ZBTB25: variants seen among roughly 807,000 people sequenced by gnomAD.
ZBTB25 encodes zinc finger and BTB domain containing 25.
ZBTB25 carries 20 observed loss-of-function variants against 34.2 expected under a neutral mutation model. The ratio of observed to expected loss-of-function variants is 0.58; its 90% CI spans 0.41 to 0.85. The LOEUF (loss-of-function observed/expected upper bound fraction) is 0.85, where lower values mean the gene tolerates loss of function less well. Among genes scored for constraint, ZBTB25 ranks in the 40% least tolerant of loss-of-function variants. ZBTB25 has a pLI of 0.00. For synonymous variants in ZBTB25, 175 were observed against 186.4 expected (o/e 0.94, Z 0.50); for missense variants, 437 against 521.8 (o/e 0.84, Z 1.58).
intron 1 of ZBTB25, among the ~76,000 whole-genome samples, chr14:64,492,462 C>T (rs1035947640): frequency 2.0e-5 from 3 of 151,994 alleles, no homozygotes; most frequent in Non-Finnish European, 2.9e-5. Flanking sequence ...CCACCTCAGC[C>T]TCCTAAAGGC....
upstream of ZBTB25, chr14:64,504,803 C>G: frequency 2.6e-6 from 1 of 386,822 alleles, no homozygotes; most frequent in Non-Finnish European, 4.6e-6. Flanking sequence ...GCCAGAGCCT[C>G]TCCGCGCAGC....
chr14:64,478,272 A>C lies in ZBTB25; in HGVS notation c.*8651T>G, dbSNP rs1160637487. ...TGTAATCAGAAATGAAGGGGGAGGC[A>C]GGCTGTATTCACTTAGTATTGGAAG... is the stretch of plus-strand genomic sequence containing the variant. On this transcript the variant is annotated 3_prime_UTR_variant, in exon 3 of 3. Coordinates refer to ENST00000608382, the MANE Select transcript of ZBTB25 (RefSeq NM_006977.5). 2 of 152,222 alleles carry C rather than the reference A, an allele frequency of 1.3e-5. No individual in the cohort carries two copies. Among genetic ancestry groups the C allele is most frequent in the East Asian group, 3.8e-4 (2 of 5,202 alleles). The allele number at this position is 152,222 out of a possible 1,614,324, so 9.4% of individuals were successfully genotyped here. A position where few individuals can be genotyped will look rare whatever the true frequency, so the allele number is the denominator to read the frequency against.
rs1291316576 is a variant in ZBTB25, at chr14:64,479,682, C to T, written c.*7241G>A. On this transcript the variant is annotated 3_prime_UTR_variant, in exon 3 of 3. Coordinates refer to ENST00000608382, the MANE Select transcript of ZBTB25 (RefSeq NM_006977.5). Reference sequence around the variant, plus strand: ...AGCTGCAATTATCGGTCTTTTCTTCCCTTTGGACCCAAATGGAAACATCAG... The same window carrying T: ...AGCTGCAATTATCGGTCTTTTCTTCTCTTTGGACCCAAATGGAAACATCAG... 6.6e-6 allele frequency: 1 copy of T among 152,212 alleles called. No homozygotes were observed. Among genetic ancestry groups the T allele is most frequent in the African/African-American group, 2.4e-5 (1 of 41,442 alleles). 9.4% of individuals were successfully genotyped at this position (152,212 alleles called of 1,614,324 possible). A position where few individuals can be genotyped will look rare whatever the true frequency, so the allele number is the denominator to read the frequency against.
chr14:64,449,520 C>T, exon 3 of ZBTB25: 1 of 1,614,210 alleles, frequency 6.2e-7, no homozygotes, highest in Non-Finnish European at 8.5e-7. Context: ...CCGTGAAGTG[C>T]ACTCACTGGG....
At chr14:64,494,874 C>A (rs1167750249) in intron 1 of ZBTB25, among the ~76,000 whole-genome samples, 1 of 152,188 alleles carries the variant, frequency 6.6e-6, no homozygotes, top group Non-Finnish European at 1.5e-5. Flanking sequence ...ATTAATCTAT[C>A]CTCAAATTAA....
At position 64,486,301 on chromosome 14, in the gene ZBTB25, CA is replaced by C. The variant is rs903101968; in HGVS notation, c.*621del. On this transcript the variant is annotated 3_prime_UTR_variant, in exon 3 of 3. Transcript: ENST00000608382. ...TGGGCGACACAGAGAGACTCTGTCT[CA>C]AAAAAAAAAAGAGGTATACTCAATG... 7.6e-3 allele frequency: 5,057 copies of C among 663,278 alleles called. No individual in the cohort carries two copies. Among genetic ancestry groups the C allele is most frequent in the Non-Finnish European group, 8.4e-3 (4,560 of 545,524 alleles). The allele number at this position is 663,278 out of a possible 1,614,324, so 41.1% of individuals were successfully genotyped here. A position where few individuals can be genotyped will look rare whatever the true frequency, so the allele number is the denominator to read the frequency against.
intron 2 of ZBTB25, among the ~76,000 whole-genome samples, chr14:64,488,274 T>A (rs1388498009): frequency 6.6e-6 from 1 of 152,046 alleles, no homozygotes. Context: ...CTGCCTAAAG[T>A]TAGGAAACAC....
rs779352438 is a variant in ZBTB25, at chr14:64,454,734, T to G, written c.174-5096A>C. ...CCTTCTTTCCCCAGGGCTTTGGGAATCTCCCCATCTGCATGGCTAAAACAC... is the reference window on the plus strand; with the variant it reads ...CCTTCTTTCCCCAGGGCTTTGGGAAGCTCCCCATCTGCATGGCTAAAACAC... On this transcript the variant is annotated intron_variant, in intron 2 of 2. Transcript: ENST00000555220. 3.1e-6 allele frequency: 5 copies of G among 1,613,678 alleles called. No homozygotes were observed. The highest frequency in any genetic ancestry group is 1.6e-4 in the Middle Eastern group (1 of 6,084).
At chr14:64,502,593 C>T in intron 1 of ZBTB25, 2 of 977,654 alleles carry the variant, frequency 2.0e-6, no homozygotes, top group Non-Finnish European at 2.4e-6. Context: ...CCATCAAACC[C>T]ACACAGTGGC....
Position 64,479,266 on chromosome 14 carries a change from A to G in ZBTB25, c.*7657T>C, listed in dbSNP as rs1399947503. The G allele has an allele frequency of 2.0e-5, 3 of 152,190 alleles. No homozygotes were observed. Among genetic ancestry groups the G allele is most frequent in the Non-Finnish European group, 4.4e-5 (3 of 68,042 alleles). 9.4% of individuals were successfully genotyped at this position (152,190 alleles called of 1,614,324 possible). ...CAGCTCTAATGACATTTTGAGGTACATATTCTGTATTGCGGGAGGCTGTCC... is the reference window on the plus strand; with the variant it reads ...CAGCTCTAATGACATTTTGAGGTACGTATTCTGTATTGCGGGAGGCTGTCC... On this transcript the variant is annotated 3_prime_UTR_variant, in exon 3 of 3. Transcript: ENST00000608382.
intron 2 of ZBTB25, chr14:64,458,394 TCA>T (rs1596573965): frequency 1.1e-6 from 1 of 913,506 alleles, no homozygotes; most frequent in East Asian, 2.4e-5. Context: ...CTATAAAAAT[TCA>T]CATTCTAATG....
rs948264243 is a variant in ZBTB25 at position 64,478,678 on chromosome 14, A to T, written c.*8245T>A. On this transcript the variant is annotated 3_prime_UTR_variant, in exon 3 of 3. Coordinates refer to ENST00000608382, the MANE Select transcript of ZBTB25 (RefSeq NM_006977.5). ...CTGCTGAGATATGTACATGTAAATC[A>T]GAAGCATCTTGATTAAAGAGGGATG... 2.6e-5 allele frequency: 4 copies of T among 152,248 alleles called. No homozygotes were observed. Among genetic ancestry groups the T allele is most frequent in the Admixed American group, 6.5e-5 (1 of 15,288 alleles). The allele number at this position is 152,248 out of a possible 1,614,324, so 9.4% of individuals were successfully genotyped here.
At chr14:64,495,703 T>A (rs989269614) in intron 1 of ZBTB25, among the ~76,000 whole-genome samples, 19 of 152,234 alleles carry the variant, frequency 1.2e-4, no homozygotes, top group Admixed American at 9.8e-4. Context: ...ATGCCTGTAA[T>A]CCCAGAACTT....
chr14:64,457,058 A>G (rs2078486617), intron 2 of ZBTB25, among the ~76,000 whole-genome samples: 1 of 152,238 alleles, frequency 6.6e-6, no homozygotes, highest in Non-Finnish European at 1.5e-5. Flanking sequence ...GAGTACAAAT[A>G]TAATTTGTAA....
chr14:64,494,273 G>C (rs990212600), intron 1 of ZBTB25, among the ~76,000 whole-genome samples: 2 of 152,166 alleles, frequency 1.3e-5, no homozygotes, highest in Admixed American at 1.3e-4. Flanking sequence ...AAAGATTCCT[G>C]GTAACCTCTG....
At chr14:64,455,110 TA>T in intron 2 of ZBTB25, 1 of 514,974 alleles carries the variant, frequency 1.9e-6, no homozygotes, top group East Asian at 3.6e-5. Context: ...TCATACTGAA[TA>T]AAAAATTCTG....
chr14:64,457,140 T>G (rs1199616926), intron 2 of ZBTB25, among the ~76,000 whole-genome samples: 1 of 152,228 alleles, frequency 6.6e-6, no homozygotes, highest in Non-Finnish European at 1.5e-5. Flanking sequence ...ATCTAGATTA[T>G]GTACAAAAGT....
At chr14:64,453,528 G>A (rs1173910988) in intron 2 of ZBTB25, among the ~76,000 whole-genome samples, 3 of 152,094 alleles carry the variant, frequency 2.0e-5, no homozygotes, top group Admixed American at 1.3e-4. Context: ...CTGAGATCGC[G>A]CCATTGCACT....
downstream of ZBTB25, chr14:64,474,596 C>T (rs890957133): frequency 6.1e-6 from 1 of 163,456 alleles, no homozygotes; most frequent in Non-Finnish European, 1.5e-5. Flanking sequence ...TGAGTTCGCA[C>T]TACCAAAAGT....
Sources: gnomAD v4.1 joint callset for allele counts (sites outside exome capture counted in the v4.1 genomes callset) on GRCh38, gnomAD v4.1.1 for gene constraint, MANE v1.5 for transcripts, NCBI Gene and HGNC (gene_info 2026-07-23, HGNC 2026-07-21) for gene names.